The following FRMPD4 variants were observed in gnomAD, a reference collection of about 807,000 sequenced individuals.
FRMPD4 encodes the protein FERM and PDZ domain containing 4.
Under a neutral mutation model 94.1 loss-of-function variants are expected in FRMPD4, and 22 were observed. That is an observed-to-expected ratio of 0.23 (90% CI 0.17 to 0.33). The LOEUF is 0.33. FRMPD4 is among the 10% of genes least tolerant of loss of function. The pLI is 1.00. For synonymous variants in FRMPD4, 631 were observed against 548.6 expected (o/e 1.15, Z -2.10); for missense variants, 1,111 against 1,339.9 (o/e 0.83, Z 2.67).
At chrX:12,634,879 G>C (rs1378155349) in intron 4 of FRMPD4, among the ~76,000 whole-genome samples, 2 of 88,898 alleles carry the variant, frequency 2.2e-5, no homozygotes, top group Non-Finnish European at 4.2e-5. Context: ...TGTTGCCCAG[G>C]CTGGAGTGCA....
chrX:12,571,339 G>T (rs7890790), intron 2 of FRMPD4, among the ~76,000 whole-genome samples: 35 of 112,794 alleles, frequency 3.1e-4, no homozygotes, highest in African/African-American at 1.1e-3. Flanking sequence ...CACACTAAAT[G>T]AAGTATGGGA....
chrX:12,400,757 T>G (rs995425314), intron 1 of FRMPD4, among the ~76,000 whole-genome samples: 2 of 112,122 alleles, frequency 1.8e-5, no homozygotes, highest in Non-Finnish European at 3.8e-5. Flanking sequence ...TTTGTTTTAT[T>G]ACTGTTTCTG....
chrX:12,202,312 C>G (rs978315197), intron 1 of FRMPD4, among the ~76,000 whole-genome samples: 1 of 112,050 alleles, frequency 8.9e-6, no homozygotes, highest in Admixed American at 9.5e-5. Flanking sequence ...ATGTTGATGT[C>G]AAAATGTTTT....
At chrX:12,437,325 A>G (rs1235080330) in intron 1 of FRMPD4, among the ~76,000 whole-genome samples, 2 of 111,720 alleles carry the variant, frequency 1.8e-5, no homozygotes, top group Non-Finnish European at 1.9e-5. Flanking sequence ...TTTAATTCCA[A>G]TTTATTACAC....
chrX:12,422,239 A>T (rs1470720842), intron 1 of FRMPD4, among the ~76,000 whole-genome samples: 1 of 112,150 alleles, frequency 8.9e-6, no homozygotes, highest in Non-Finnish European at 1.9e-5. Context: ...ACCATGGTCT[A>T]CAAGTCAGTT....
chrX:12,268,534 A>C (rs982692495), intron 1 of FRMPD4, among the ~76,000 whole-genome samples: 2 of 112,004 alleles, frequency 1.8e-5, no homozygotes, highest in Non-Finnish European at 3.8e-5. Flanking sequence ...TTGAGGATCA[A>C]CTGGGCTAAT....
At chrX:12,650,927 G>A (rs141927308) in intron 4 of FRMPD4, among the ~76,000 whole-genome samples, 2 of 112,826 alleles carry the variant, frequency 1.8e-5, no homozygotes, top group Admixed American at 1.9e-4. Flanking sequence ...GAAATGCTCA[G>A]TTTAAAATAA....
At chrX:12,480,765 C>T (rs181896109) in intron 1 of FRMPD4, among the ~76,000 whole-genome samples, 10 of 112,288 alleles carry the variant, frequency 8.9e-5, no homozygotes, top group African/African-American at 2.3e-4. Context: ...TGGACGATCG[C>T]GTTTCTATTT....
intron 2 of FRMPD4, among the ~76,000 whole-genome samples, chrX:12,504,384 C>T (rs1036659600): frequency 1.8e-5 from 2 of 112,726 alleles, no homozygotes; most frequent in Non-Finnish European, 3.8e-5. Context: ...AAATACTTGC[C>T]TCATGGCAAG....
intron 1 of FRMPD4, among the ~76,000 whole-genome samples, chrX:12,324,016 G>A (rs954922347): frequency 1.8e-5 from 2 of 111,683 alleles, no homozygotes; most frequent in African/African-American, 6.5e-5. Context: ...ACAAATATAA[G>A]GAAGACATAA....
intron 1 of FRMPD4, among the ~76,000 whole-genome samples, chrX:12,173,634 G>GCTCCTATAT (rs1372685481): frequency 2.7e-5 from 3 of 111,544 alleles, no homozygotes; most frequent in African/African-American, 9.8e-5. Flanking sequence ...GGGGGCTCCT[G>GCTCCTATAT]CTCCTATATT....
intron 1 of FRMPD4, among the ~76,000 whole-genome samples, chrX:12,466,422 G>A (rs776562064): frequency 5.9e-4 from 66 of 112,225 alleles, no homozygotes; most frequent in African/African-American, 2.0e-3. Flanking sequence ...CTTTTACACT[G>A]TGTGATTAAG....
chrX:11,980,574 G>A lies in FRMPD4; in HGVS notation c.95+102556G>A, dbSNP rs73632663. On this transcript the variant is annotated intron_variant, in intron 3 of 18. Transcript: ENST00000640291. The stretch of plus-strand genomic sequence containing the variant: ...TTCTAAGGTAAGCATTTTAGACTGT[G>A]AATTTCCTTCTAAATACTACTATAT... Among the ~76,000 whole-genome samples, 524 of 111,356 alleles carry A rather than the reference G, an allele frequency of 4.7e-3. 3 individuals carry two copies. Among genetic ancestry groups the A allele is most frequent in the African/African-American group, 0.016 (505 of 30,709 alleles).
chrX:12,538,411 T>C (rs1361013129), intron 2 of FRMPD4, among the ~76,000 whole-genome samples: 4 of 111,816 alleles, frequency 3.6e-5, no homozygotes, highest in Non-Finnish European at 7.5e-5. Context: ...AGGGCATAGC[T>C]GGACAAAAGG....
At chrX:12,401,135 C>G (rs1328378640) in intron 1 of FRMPD4, among the ~76,000 whole-genome samples, 1 of 111,364 alleles carries the variant, frequency 9.0e-6, no homozygotes, top group African/African-American at 3.3e-5. Flanking sequence ...AAAAAGTGTT[C>G]TAGGAAGAGG....
intron 4 of FRMPD4, among the ~76,000 whole-genome samples, chrX:12,624,694 A>G (rs2059329045): frequency 8.9e-6 from 1 of 111,841 alleles, no homozygotes; most frequent in Non-Finnish European, 1.9e-5. Context: ...TAGTTTGACA[A>G]TACTCCAACC....
intron 3 of FRMPD4, among the ~76,000 whole-genome samples, chrX:11,931,212 G>A (rs1408038217): frequency 8.9e-6 from 1 of 112,048 alleles, no homozygotes; most frequent in Non-Finnish European, 1.9e-5. Flanking sequence ...CCATCAGTGA[G>A]CCCCCAGATT....
In FRMPD4 at chrX:11,890,583, TATA is replaced by T. The variant is rs768163106; in HGVS notation, c.95+12568_95+12570del. ...TTAGCTCTTCACAGATATTATCAAA[TATA>T]ATCATCACAACTACCTTGAGGGATA... On this transcript the variant is annotated intron_variant, in intron 3 of 18. Coordinates refer to the FRMPD4 transcript ENST00000640291. 6.7e-3 allele frequency among the ~76,000 whole-genome samples: 752 copies of T among 112,597 alleles called. 12 individuals are homozygous for T. Among genetic ancestry groups the T allele is most frequent in the African/African-American group, 0.023 (703 of 30,985 alleles).
intron 1 of FRMPD4, among the ~76,000 whole-genome samples, chrX:12,189,140 T>C (rs2056460093): frequency 9.0e-6 from 1 of 111,320 alleles, no homozygotes; most frequent in Non-Finnish European, 1.9e-5. Context: ...AAAAGCATAT[T>C]AAAGGAACAT....
Sources: gnomAD v4.1 joint callset for allele counts (sites outside exome capture counted in the v4.1 genomes callset) on GRCh38, gnomAD v4.1.1 for gene constraint, MANE v1.5 for transcripts, NCBI Gene and HGNC (gene_info 2026-07-23, HGNC 2026-07-21) for gene names.